Variants in PARVB observed in about 807,000 individuals in gnomAD.
The protein encoded by PARVB is beta-parvin.
PARVB carries 46 observed loss-of-function variants against 47.0 expected under a neutral mutation model. The observed-to-expected ratio is 0.98, with a 90% CI of 0.77 to 1.25. PARVB has a LOEUF of 1.25. Among genes scored for constraint, PARVB ranks in the 50% most tolerant of loss-of-function variants. PARVB has a pLI of 0.00. For synonymous variants in PARVB, 196 were observed against 196.3 expected (o/e 1.00, Z 0.01); for missense variants, 473 against 471.6 (o/e 1.00, Z -0.03).
intron 3 of PARVB, 122 bp from the exon 4 acceptor site, chr22:44,118,916 C>T (rs1310404074): frequency 2.8e-6 from 2 of 714,816 alleles, no homozygotes; most frequent in African/African-American, 1.7e-5. Flanking sequence ...TGTCCCTGTA[C>T]TTGCTGTGGT....
At chr22:44,164,426 G>A (rs1160608434) in intron 12 of PARVB, among the ~76,000 whole-genome samples, 2 of 138,426 alleles carry the variant, frequency 1.4e-5, no homozygotes, top group Non-Finnish European at 1.6e-5. Flanking sequence ...CCCGGCTCCT[G>A]TGCCAAGTTA....
chr22:44,048,675 C>T (rs1345465039), intron 1 of PARVB, among the ~76,000 whole-genome samples: 1 of 152,232 alleles, frequency 6.6e-6, no homozygotes, highest in African/African-American at 2.4e-5. Context: ...GATTCTCCTG[C>T]CTCAGCCTCC....
At chr22:44,104,307 T>G (rs946555647) in intron 3 of PARVB, 1 of 152,134 alleles carries the variant, frequency 6.6e-6, no homozygotes, top group Non-Finnish European at 1.5e-5. Flanking sequence ...CCACTCTTGA[T>G]CAATCATTTT....
At chr22:44,088,788 G>A (rs1401401323) in intron 1 of PARVB, among the ~76,000 whole-genome samples, 1 of 152,162 alleles carries the variant, frequency 6.6e-6, no homozygotes, top group East Asian at 1.9e-4. Flanking sequence ...AGACTTGTTA[G>A]GAGACAAGGT....
intron 2 of PARVB, among the ~76,000 whole-genome samples, chr22:44,001,525 CT>C (rs1331577335): frequency 1.3e-5 from 2 of 152,162 alleles, no homozygotes; most frequent in African/African-American, 4.8e-5. Flanking sequence ...TATTGAAGAT[CT>C]TGTGCAGTTT....
chr22:44,088,341 G>A (rs2052081776), intron 1 of PARVB, among the ~76,000 whole-genome samples: 2 of 152,160 alleles, frequency 1.3e-5, no homozygotes, highest in African/African-American at 4.8e-5. Flanking sequence ...TGAGGTTGAA[G>A]ATAGGTAGGA....
At chr22:44,128,438 C>T (rs926052448) in intron 4 of PARVB, among the ~76,000 whole-genome samples, 3 of 152,212 alleles carry the variant, frequency 2.0e-5, no homozygotes, top group Non-Finnish European at 4.4e-5. Flanking sequence ...CTCCTGCGGC[C>T]CCCGCCAGTG....
At chr22:44,086,626 G>A (rs1365800477) in intron 1 of PARVB, 3 of 405,794 alleles carry the variant, frequency 7.4e-6, no homozygotes, top group Non-Finnish European at 6.7e-6. Flanking sequence ...CCCAGCTGCC[G>A]AGGCTGATGA....
chr22:44,020,850 G>A (rs1005739958), upstream of PARVB, among the ~76,000 whole-genome samples: 9 of 151,548 alleles, frequency 5.9e-5, no homozygotes, highest in African/African-American at 9.7e-5. Context: ...GCGTGATCTC[G>A]GCTCACTGCA....
At chr22:44,009,430 C>G (rs535700173) in intron 2 of PARVB, 12 of 152,086 alleles carry the variant, frequency 7.9e-5, no homozygotes, top group Non-Finnish European at 1.8e-4. Flanking sequence ...GAAATCAGTT[C>G]TATTTGCTCT....
chr22:44,141,779 C>T (rs1016083504), intron 8 of PARVB: 1 of 152,336 alleles, frequency 6.6e-6, no homozygotes, highest in Non-Finnish European at 1.5e-5. Context: ...TGGGAACATT[C>T]ACAGGCCTTC....
intron 1 of PARVB, among the ~76,000 whole-genome samples, chr22:44,044,043 C>A (rs537701210): frequency 6.6e-6 from 1 of 152,266 alleles, no homozygotes; most frequent in Admixed American, 6.5e-5. Flanking sequence ...AATATGTCCT[C>A]ATTGAGCAAG....
chr22:44,151,260 G>C (rs1163868186), intron 9 of PARVB: 2 of 506,570 alleles, frequency 3.9e-6, no homozygotes, highest in African/African-American at 3.9e-5. Flanking sequence ...GCATGGGTTG[G>C]TGAGCAGAGA....
intron 11 of PARVB, among the ~76,000 whole-genome samples, chr22:44,159,756 C>G (rs1397621208): frequency 1.3e-5 from 2 of 152,266 alleles, no homozygotes; most frequent in African/African-American, 4.8e-5. Context: ...TGGGTGGTCC[C>G]TGCTGTGGAG....
intron 1 of PARVB, among the ~76,000 whole-genome samples, chr22:44,063,336 C>T (rs2051455568): frequency 6.6e-6 from 1 of 151,778 alleles, no homozygotes; most frequent in African/African-American, 2.4e-5. Context: ...AAGTGATTCT[C>T]CTGCCTCAGC....
chr22:44,018,383 C>T (rs576799142), intron 2 of PARVB, among the ~76,000 whole-genome samples: 3 of 152,294 alleles, frequency 2.0e-5, no homozygotes, highest in South Asian at 4.2e-4. Flanking sequence ...GCCTGGGCGA[C>T]AAGAATGAAA....
intron 1 of PARVB, among the ~76,000 whole-genome samples, chr22:44,069,883 C>T (rs1325646283): frequency 6.6e-6 from 1 of 152,152 alleles, no homozygotes; most frequent in Non-Finnish European, 1.5e-5. Context: ...AGTAGCTGAT[C>T]GTGGCCGGTG....
intron 1 of PARVB, among the ~76,000 whole-genome samples, chr22:44,090,214 A>G (rs1475547547): frequency 6.6e-6 from 1 of 152,210 alleles, no homozygotes; most frequent in East Asian, 1.9e-4. Flanking sequence ...CCACACACCA[A>G]CAAGTGGCAA....
At chr22:44,045,309 A>G (rs753803799) in intron 1 of PARVB, among the ~76,000 whole-genome samples, 1 of 152,220 alleles carries the variant, frequency 6.6e-6, no homozygotes, top group African/African-American at 2.4e-5. Context: ...AGTTTCCTAA[A>G]TGGATTTTAT....
Sources: allele counts gnomAD v4.1 joint callset (sites outside exome capture counted in the v4.1 genomes callset), GRCh38; gene constraint gnomAD v4.1.1; transcripts MANE v1.5; gene names NCBI Gene and HGNC (gene_info 2026-07-23, HGNC 2026-07-21).